GALC: variants seen among roughly 807,000 people sequenced by gnomAD.
GALC encodes the protein galactocerebrosidase.
In GALC, 77 loss-of-function variants were observed where a neutral mutation model predicts 91.8. The observed-to-expected ratio is 0.84, with a 90% CI of 0.70 to 1.01. The LOEUF (loss-of-function observed/expected upper bound fraction) is 1.01. GALC is among the 50% of genes least tolerant of loss of function. The pLI is 0.00. For synonymous variants in GALC, 357 were observed against 306.7 expected, an observed-to-expected ratio of 1.16 and a Z score of -1.71; for missense variants, 882 against 855.9, an observed-to-expected ratio of 1.03 and a Z score of -0.38.
intron 10 of GALC, among the ~76,000 whole-genome samples, chr14:87,957,617 A>G (rs902775853): frequency 1.3e-5 from 2 of 152,138 alleles, no homozygotes; most frequent in African/African-American, 4.8e-5. Context: ...CTGTTGATAC[A>G]TGACTGCTAG....
intron 16 of GALC, 26 bp from the exon 17 acceptor site, chr14:87,934,904 T>C: frequency 2.0e-6 from 3 of 1,528,668 alleles, no homozygotes; most frequent in Non-Finnish European, 2.7e-6. Flanking sequence ...ACACATTCCT[T>C]GAAACCATAT....
intron 13 of GALC, among the ~76,000 whole-genome samples, chr14:87,946,514 T>TC (rs375702275): frequency 2.7e-5 from 4 of 150,834 alleles, no homozygotes; most frequent in Non-Finnish European, 5.9e-5. Context: ...ATATTTAACT[T>TC]AGTTTTAAAT....
chr14:87,979,960 T>C (rs12586804), intron 6 of GALC, among the ~76,000 whole-genome samples: 119,248 of 151,966 alleles, frequency 0.78, 47,799 homozygotes, highest in East Asian at 0.98. Flanking sequence ...CCCCACCCAA[T>C]CTGCTCCCAC....
At chr14:87,968,000 G>A (rs1347667083) in intron 8 of GALC, among the ~76,000 whole-genome samples, 1 of 152,104 alleles carries the variant, frequency 6.6e-6, no homozygotes, top group East Asian at 1.9e-4. Flanking sequence ...GGAGACACAT[G>A]CTAAAATATT....
In GALC at chr14:87,982,189, C is replaced by T. The variant is rs753936598; in HGVS notation, c.621+16G>A. The stretch of plus-strand genomic sequence containing the variant: ...CTAAAAAGTTAAAAACAAAAAGATA[C>T]TAAAGTTGTACACACCTTAATATAA... On this transcript the variant is annotated intron_variant, in intron 6 of 16. Transcript: ENST00000261304. The T allele has an allele frequency of 7.0e-7, 1 of 1,432,192 alleles. No individual in the cohort carries two copies. The allele number at this position is 1,432,192 out of a possible 1,614,324, so 88.7% of individuals were successfully genotyped here. A position where few individuals can be genotyped will look rare whatever the true frequency, so the allele number is the denominator to read the frequency against.
In GALC at chr14:87,967,426, G is replaced by A. The variant is rs184796651; in HGVS notation, c.908+909C>T. 4.3e-4 allele frequency among the ~76,000 whole-genome samples: 65 copies of A among 152,190 alleles called. 1 individual carries two copies. The East Asian group carries it at 0.01, about 24-fold the overall frequency. On this transcript the variant is annotated intron_variant, in intron 8 of 16. Coordinates refer to ENST00000261304, the MANE Select transcript of GALC (RefSeq NM_000153.4). The stretch of plus-strand genomic sequence containing the variant: ...TTAAGTTATAACCAAACTCTCCTAA[G>A]TGTCTTTTCTTTCACAAAGAGAAGA...
chr14:87,986,603 C>A lies in GALC; in HGVS notation c.329-1G>T, dbSNP rs1365632054. 6.2e-7 allele frequency: 1 copy of A among 1,600,570 alleles called. No homozygotes were observed. The highest frequency in any genetic ancestry group is 8.6e-7 in the Non-Finnish European group (1 of 1,167,876). On this transcript the variant is annotated splice_acceptor_variant, in intron 3 of 16. Transcript: ENST00000261304. LOFTEE classifies it high-confidence loss of function. ...TGCATGTGGGAGGGCTCAGTGCCGT[C>A]TGAATAGAGGAGAGCAAAAACGGAA...
At chr14:87,946,785 A>AG (rs1885090568) in intron 13 of GALC, among the ~76,000 whole-genome samples, 1 of 151,982 alleles carries the variant, frequency 6.6e-6, no homozygotes, top group African/African-American at 2.4e-5. Flanking sequence ...AAAGAGTTGC[A>AG]GAAAAACAAA....
intron 6 of GALC, among the ~76,000 whole-genome samples, chr14:87,978,127 AC>A (rs1886581835): frequency 6.6e-6 from 1 of 152,202 alleles, no homozygotes; most frequent in Non-Finnish European, 1.5e-5. Context: ...ATATCGGCTC[AC>A]TGCAACCTCT....
At chr14:87,982,620 A>T (rs1886796909) in intron 5 of GALC, among the ~76,000 whole-genome samples, 1 of 152,212 alleles carries the variant, frequency 6.6e-6, no homozygotes, top group Non-Finnish European at 1.5e-5. Context: ...TTATGACAAG[A>T]TCCCTGAAAG....
Position 87,941,568 on chromosome 14 carries a change from A to G in GALC, c.1671-10T>C. The G allele has an allele frequency of 6.5e-7, 1 of 1,535,926 alleles. No homozygotes were observed. The highest frequency in any genetic ancestry group is 1.1e-5 in the South Asian group (1 of 89,360). ...TATAGTCAGATTGGTCCTGCAAAAT[A>G]AAACGGTTGATTAGTACTCTTTAAA... On this transcript the variant is annotated splice_polypyrimidine_tract_variant and intron_variant, in intron 14 of 16. Transcript: ENST00000261304.
intron 14 of GALC, 141 bp from the exon 15 acceptor site, chr14:87,941,699 G>A: frequency 1.5e-6 from 1 of 685,798 alleles, no homozygotes; most frequent in East Asian, 2.6e-5. Flanking sequence ...CTGTAGCAGA[G>A]ATGGGCTTCA....
chr14:87,939,419 C>G (rs1884735407), intron 16 of GALC, among the ~76,000 whole-genome samples: 1 of 151,796 alleles, frequency 6.6e-6, no homozygotes, highest in Admixed American at 6.6e-5. Flanking sequence ...CCCAGTGATT[C>G]TCAGGAACAT....
At chr14:87,956,537 ACACCATATATATATACACG>A in intron 10 of GALC, among the ~76,000 whole-genome samples, 1 of 151,612 alleles carries the variant, frequency 6.6e-6, no homozygotes, top group Non-Finnish European at 1.5e-5. Flanking sequence ...GTATATACAT[ACACCATATATATATACACG>A]CACCATATAT....
At chr14:87,973,749 A>C (rs1595223729) in intron 7 of GALC, among the ~76,000 whole-genome samples, 1 of 152,158 alleles carries the variant, frequency 6.6e-6, no homozygotes, top group Non-Finnish European at 1.5e-5. Flanking sequence ...GGGCTGGATC[A>C]TTTTTTGTTA....
At chr14:87,939,859 C>T (rs752773453) in intron 16 of GALC, 46 bp downstream of exon 16, 1 of 1,272,146 alleles carries the variant, frequency 7.9e-7, no homozygotes, top group South Asian at 1.2e-5. Context: ...TAGAAATGCA[C>T]AACAAAAGAG....
intron 10 of GALC, chr14:87,954,786 T>C: frequency 6.3e-7 from 1 of 1,595,700 alleles, no homozygotes; most frequent in Non-Finnish European, 8.6e-7. Context: ...TCATATATAC[T>C]GGCTGCGCAA....
At chr14:87,993,250 C>G (rs1887316887), upstream of GALC, 3 of 1,540,616 alleles carry the variant, frequency 1.9e-6, no homozygotes, top group Non-Finnish European at 2.6e-6. Flanking sequence ...CTGATGCTGA[C>G]GCCGCCGCCG....
intron 6 of GALC, among the ~76,000 whole-genome samples, chr14:87,981,821 T>G (rs900683977): frequency 2.0e-5 from 3 of 151,956 alleles, no homozygotes; most frequent in African/African-American, 7.3e-5. Context: ...AAACAAGAAT[T>G]AGAATATATG....
Sources: gnomAD v4.1 joint callset for allele counts (sites outside exome capture counted in the v4.1 genomes callset) on GRCh38, gnomAD v4.1.1 for gene constraint, MANE v1.5 for transcripts, NCBI Gene and HGNC (gene_info 2026-07-23, HGNC 2026-07-21) for gene names.